ALG1L2: variants seen among roughly 807,000 people sequenced by gnomAD.
ALG1L2 encodes ALG1 chitobiosyldiphosphodolichol beta-mannosyltransferase like 2.
In ALG1L2, 32 loss-of-function variants were observed where a neutral mutation model predicts 29.0. That is an observed-to-expected ratio of 1.10 (90% CI 0.83 to 1.48). ALG1L2 has a LOEUF of 1.48. ALG1L2 is among the 40% of genes most tolerant of loss of function. ALG1L2 has a pLI of 0.00. For synonymous variants in ALG1L2, 110 were observed against 109.5 expected, an observed-to-expected ratio of 1.00 and a Z score of -0.03; for missense variants, 318 against 274.1, an observed-to-expected ratio of 1.16 and a Z score of -1.13.
chr3:130,092,183 G>A lies in ALG1L2; in HGVS notation c.214G>A (p.Glu72Lys), dbSNP rs764076460. ...GAGCGGGCTGGTGACGCGTCTCCACGAGCGGCCAGCCCTGCTGGTCAGCAG... is the reference window on the plus strand; with the variant it reads ...GAGCGGGCTGGTGACGCGTCTCCACAAGCGGCCAGCCCTGCTGGTCAGCAG... The part of the protein sequence containing the change: ...SGSGLVTRLH[E>K]RPALLVSSTS... The change falls in exon 3 of 8, where the codon GAG becomes AAG. Residue 72 changes from glutamate to lysine, a missense_variant. Coordinates refer to ENST00000425059, the MANE Select transcript of ALG1L2 (RefSeq NM_001136152.1). 47 of 1,612,280 alleles carry A rather than the reference G, an allele frequency of 2.9e-5. No individual in the cohort carries two copies. Among genetic ancestry groups the A allele is most frequent in the African/African-American group, 1.3e-4 (10 of 74,858 alleles).
chr3:130,085,192 T>C (rs1934865007), intron 1 of ALG1L2, among the ~76,000 whole-genome samples: 1 of 138,730 alleles, frequency 7.2e-6, no homozygotes, highest in Admixed American at 7.5e-5. Context: ...TCTCCTGACC[T>C]CAAGTGATCC....
At chr3:130,098,185 G>T (rs748923749) in intron 7 of ALG1L2, 38 bp from the exon 8 acceptor site, 4 of 1,595,134 alleles carry the variant, frequency 2.5e-6, no homozygotes, top group Non-Finnish European at 3.4e-6. Context: ...ACCTGGGATG[G>T]GGTGGGGACA....
At chr3:130,090,971 T>A (rs534563135) in intron 1 of ALG1L2, 3 of 408,104 alleles carry the variant, frequency 7.4e-6, no homozygotes, top group South Asian at 2.2e-5. Flanking sequence ...CAGAGCCATG[T>A]GTGTCTTATC....
intron 6 of ALG1L2, among the ~76,000 whole-genome samples, chr3:130,096,765 C>T (rs1034130588): frequency 2.0e-5 from 3 of 152,168 alleles, no homozygotes; most frequent in Non-Finnish European, 2.9e-5. Flanking sequence ...GTGAGCCTCT[C>T]GTGTGAGCTG....
At chr3:130,091,678 C>T (rs1013956498) in intron 2 of ALG1L2, 18 of 533,364 alleles carry the variant, frequency 3.4e-5, no homozygotes, top group Admixed American at 1.5e-4. Flanking sequence ...TACTCTCCTG[C>T]CAATGGGTTC....
rs574280269 is a variant in ALG1L2 at position 130,082,064 on chromosome 3, T to A, written c.20+28T>A. On this transcript the variant is annotated intron_variant, in intron 1 of 7. Transcript: ENST00000425059. ...AAGCAGGGGGGTGGTGCTGGTTGGA[T>A]TGCAATGCAGAGAAACCCTGGGTTG... 4.7e-6 allele frequency: 7 copies of A among 1,496,794 alleles called. No individual in the cohort carries two copies. In the East Asian group the frequency reaches 1.5e-4, roughly 32 times the overall value. The allele number at this position is 1,496,794 out of a possible 1,614,324, so 92.7% of individuals were successfully genotyped here. A position where few individuals can be genotyped will look rare whatever the true frequency, so the allele number is the denominator to read the frequency against.
intron 5 of ALG1L2, 106 bp from the exon 6 acceptor site, chr3:130,095,943 T>A (rs1368325584): frequency 4.9e-6 from 6 of 1,228,424 alleles, no homozygotes; most frequent in Non-Finnish European, 7.0e-6. Flanking sequence ...TCGGGGGCCT[T>A]ATCCAATTTT....
chr3:130,093,210 G>T, intron 4 of ALG1L2, 50 bp downstream of exon 4: 1 of 1,576,858 alleles, frequency 6.3e-7, no homozygotes, highest in Non-Finnish European at 8.7e-7. Flanking sequence ...TGGTGGAGGG[G>T]GAGGGGCACA....
At position 130,097,211 on chromosome 3, in the gene ALG1L2, G is replaced by A. The variant is rs1420324748; in HGVS notation, c.576G>A (p.Leu192=). 6.2e-7 allele frequency: 1 copy of A among 1,611,548 alleles called. No homozygotes were observed. The highest frequency in any genetic ancestry group is 1.3e-5 in the African/African-American group (1 of 74,874). The part of the protein sequence containing the change: ...HELVKHEENR[L]VFEDSEELAA... ...TGGTGAAACATGAAGAAAACCGCCT[G>A]GTCTTTGAGGACTCAGAGGAACTGG... The change falls in exon 7 of 8, where the codon CTG becomes CTA. Residue 192 remains leucine (L), a synonymous_variant. Transcript: ENST00000425059.
intron 6 of ALG1L2, among the ~76,000 whole-genome samples, chr3:130,096,458 C>A (rs1365394509): frequency 6.6e-6 from 1 of 151,934 alleles, no homozygotes; most frequent in Non-Finnish European, 1.5e-5. Flanking sequence ...AAAAAAAGCA[C>A]CTTAAATAAC....
At chr3:130,086,772 T>G (rs1934898673) in intron 1 of ALG1L2, among the ~76,000 whole-genome samples, 1 of 147,376 alleles carries the variant, frequency 6.8e-6, no homozygotes, top group African/African-American at 2.4e-5. Context: ...TGAAACAAAA[T>G]TTTCAAAAGC....
Position 130,082,964 on chromosome 3 carries a change from C to A in ALG1L2, c.20+928C>A, listed in dbSNP as rs576228570. 4.4e-5 allele frequency among the ~76,000 whole-genome samples: 6 copies of A among 135,794 alleles called. No individual in the cohort carries two copies. In the East Asian group the frequency reaches 1.2e-3, roughly 28 times the overall value. The allele number at this position is 135,794 out of a possible 152,430, so 89.1% of individuals were successfully genotyped here. On this transcript the variant is annotated intron_variant, in intron 1 of 7. Coordinates refer to ENST00000425059, the MANE Select transcript of ALG1L2 (RefSeq NM_001136152.1). ...CTAAGAAACAGGAACAAACAAGGAA[C>A]CCTCTCCCAGCCTTTTCTACTCATC...
intron 1 of ALG1L2, among the ~76,000 whole-genome samples, chr3:130,085,675 G>A (rs2108115036): frequency 6.6e-6 from 1 of 151,826 alleles, no homozygotes; most frequent in African/African-American, 2.4e-5. Flanking sequence ...ACTCCAAGAA[G>A]TCTTTTGTGG....
intron 3 of ALG1L2, among the ~76,000 whole-genome samples, chr3:130,092,433 C>A (rs1935038139): frequency 6.6e-6 from 1 of 152,224 alleles, no homozygotes; most frequent in Non-Finnish European, 1.5e-5. Context: ...ATCTTGCTGG[C>A]AGCTTTAGAA....
At chr3:130,093,217 C>A (rs1311977726) in intron 4 of ALG1L2, 57 bp downstream of exon 4, 17 of 1,561,766 alleles carry the variant, frequency 1.1e-5, no homozygotes, top group Non-Finnish European at 1.5e-5. Context: ...GGGGGAGGGG[C>A]ACACAGCCTT....
chr3:130,096,437 C>T (rs980710875), intron 6 of ALG1L2, among the ~76,000 whole-genome samples: 20 of 94,276 alleles, frequency 2.1e-4, no homozygotes, highest in Non-Finnish European at 3.4e-4. Flanking sequence ...TGCACCAACC[C>T]AGTATGAAAA....
intron 1 of ALG1L2, chr3:130,089,589 C>G (rs1162984883): frequency 6.6e-6 from 1 of 152,236 alleles, no homozygotes; most frequent in Admixed American, 6.5e-5. Flanking sequence ...TTAAAGTTTA[C>G]TAGGAGAATT....
intron 6 of ALG1L2, among the ~76,000 whole-genome samples, chr3:130,096,529 A>T (rs1477288460): frequency 6.6e-6 from 1 of 151,890 alleles, no homozygotes; most frequent in Non-Finnish European, 1.5e-5. Context: ...CTGCAGGCTT[A>T]CATGGTTTTC....
At chr3:130,098,138 G>T in intron 7 of ALG1L2, 85 bp from the exon 8 acceptor site, 1 of 1,567,808 alleles carries the variant, frequency 6.4e-7, no homozygotes, top group Admixed American at 1.8e-5. Context: ...GGGAGGGGTT[G>T]TTGTTGGGTC....
Sources: gnomAD v4.1 joint callset for allele counts (sites outside exome capture counted in the v4.1 genomes callset) on GRCh38, gnomAD v4.1.1 for gene constraint, MANE v1.5 for transcripts, NCBI Gene and HGNC (gene_info 2026-07-23, HGNC 2026-07-21) for gene names.